The following CFL2 variants were observed in gnomAD, a reference collection of about 807,000 sequenced individuals.
CFL2 encodes cofilin-2.
Under a neutral mutation model 19.6 loss-of-function variants are expected in CFL2, and 10 were observed. That is an observed-to-expected ratio of 0.51 (90% CI 0.31 to 0.86). The LOEUF is 0.86. Among genes scored for constraint, CFL2 ranks in the 40% least tolerant of loss-of-function variants. The pLI, the probability that CFL2 is intolerant of heterozygous loss-of-function variation, is 0.04. For missense variants in CFL2, 125 were observed against 192.1 expected, an observed-to-expected ratio of 0.65 and a Z score of 2.06; for synonymous variants, 63 against 66.7, an observed-to-expected ratio of 0.95 and a Z score of 0.27.
At position 34,711,001 on chromosome 14, in the gene CFL2, A is replaced by G. The variant is rs1431792624; in HGVS notation, c.*1864T>C. On this transcript the variant is annotated 3_prime_UTR_variant, in exon 4 of 4. Coordinates refer to ENST00000298159, the MANE Select transcript of CFL2 (RefSeq NM_138638.5). The stretch of plus-strand genomic sequence containing the variant: ...CATCGAAATGTCCAGGATAACTCAC[A>G]GGGACAGCTGGAAGCCTGAAATAAA... The G allele has an allele frequency of 2.2e-6, 1 of 454,140 alleles. No individual in the cohort carries two copies. The highest frequency in any genetic ancestry group is 4.4e-6 in the Non-Finnish European group (1 of 226,796). The allele number at this position is 454,140 out of a possible 1,614,324, so 28.1% of individuals were successfully genotyped here. A position where few individuals can be genotyped will look rare whatever the true frequency, so the allele number is the denominator to read the frequency against.
At chr14:34,713,769 A>C in intron 1 of CFL2, 1 of 1,611,576 alleles carries the variant, frequency 6.2e-7, no homozygotes, top group Non-Finnish European at 8.5e-7. Context: ...TCCTTCTTAA[A>C]GGGGTTTGGA....
In CFL2 at chr14:34,709,787, CA is replaced by C. The variant is rs71453649; in HGVS notation, c.*3077del. 76 of 69,514 alleles carry C rather than the reference CA, an allele frequency of 1.1e-3. No individual in the cohort carries two copies. The highest frequency in any genetic ancestry group is 3.9e-3 in the East Asian group (10 of 2,586). 4.3% of individuals were successfully genotyped at this position (69,514 alleles called of 1,614,324 possible). ...TGGGCAACAGAGTGAGACCCTGTCT[CA>C]AAAAAAAAAAAAAAAAAAGGCAACA... On this transcript the variant is annotated 3_prime_UTR_variant, in exon 4 of 4. Coordinates refer to ENST00000298159, the MANE Select transcript of CFL2 (RefSeq NM_138638.5).
At chr14:34,713,784 G>A in intron 1 of CFL2, 5 of 1,607,944 alleles carry the variant, frequency 3.1e-6, no homozygotes, top group Non-Finnish European at 2.5e-6. Context: ...TTTGGACGTG[G>A]AAGCGAAAGG....
In CFL2 at chr14:34,711,930, G is replaced by A. The variant is rs1218514768; in HGVS notation, c.*935C>T. 2.2e-6 allele frequency: 1 copy of A among 454,386 alleles called. No individual in the cohort carries two copies. The highest frequency in any genetic ancestry group is 2.3e-5 in the Admixed American group (1 of 42,558). 28.1% of individuals were successfully genotyped at this position (454,386 alleles called of 1,614,324 possible). A position where few individuals can be genotyped will look rare whatever the true frequency, so the allele number is the denominator to read the frequency against. The stretch of plus-strand genomic sequence containing the variant: ...AAAATTCTCAAATGACCAGTGCAGA[G>A]ATTAGTAATAGCTGTTTTTACCCTA... On this transcript the variant is annotated 3_prime_UTR_variant, in exon 4 of 4. Coordinates refer to ENST00000298159, the MANE Select transcript of CFL2 (RefSeq NM_138638.5).
Position 34,713,472 on chromosome 14 carries a change from C to G in CFL2, c.93G>C (p.Lys31Asn), listed in dbSNP as rs757341071. The G allele has an allele frequency of 2.9e-5, 46 of 1,613,892 alleles. No individual in the cohort carries two copies. The highest frequency in any genetic ancestry group is 3.5e-5 in the Non-Finnish European group (41 of 1,179,938). ...RKSSTQEEIK[K>N]RKKAVLFCLS... ...AACAGAAGAGAACTGCTTTCTTTCT[C>G]TTTTTGATCTCCTCTTGTGTAGAAG... The change falls in exon 2 of 4, where the codon AAG becomes AAC. Residue 31 changes from lysine to asparagine, a missense_variant. Transcript: ENST00000298159.
At position 34,714,558 on chromosome 14, in the gene CFL2, C is replaced by G; in HGVS notation, c.-18G>C. ...CTTACCATAGTGCCCTCGGCTGTGGCTGCGGCGGCAGCTCGGGCTTCGGCT... is the reference window on the plus strand; with the variant it reads ...CTTACCATAGTGCCCTCGGCTGTGGGTGCGGCGGCAGCTCGGGCTTCGGCT... On this transcript the variant is annotated 5_prime_UTR_variant, in exon 1 of 4. Coordinates refer to ENST00000298159, the MANE Select transcript of CFL2 (RefSeq NM_138638.5). 6.3e-7 allele frequency: 1 copy of G among 1,582,740 alleles called. No homozygotes were observed. Among genetic ancestry groups the G allele is most frequent in the Non-Finnish European group, 8.6e-7 (1 of 1,167,830 alleles).
intron 1 of CFL2, 75 bp from the exon 2 acceptor site, chr14:34,713,636 G>C: frequency 1.2e-6 from 2 of 1,613,888 alleles, no homozygotes; most frequent in Non-Finnish European, 8.5e-7. Flanking sequence ...GCCTAGAGAA[G>C]ACTCACTTTA....
Position 34,709,152 on chromosome 14 carries a change from C to A in CFL2, c.*3713G>T, listed in dbSNP as rs966035175. ...AAAACATTTAATATTTATCTACTTA[C>A]ATACAGTAATTAAGAATGAATAGTT... On this transcript the variant is annotated 3_prime_UTR_variant, in exon 4 of 4. Coordinates refer to ENST00000298159, the MANE Select transcript of CFL2 (RefSeq NM_138638.5). 2.0e-5 allele frequency: 3 copies of A among 152,124 alleles called. No individual in the cohort carries two copies. Among genetic ancestry groups the A allele is most frequent in the Non-Finnish European group, 4.4e-5 (3 of 68,004 alleles). 9.4% of individuals were successfully genotyped at this position (152,124 alleles called of 1,614,324 possible). A position where few individuals can be genotyped will look rare whatever the true frequency, so the allele number is the denominator to read the frequency against.
In CFL2 at chr14:34,711,886, A is replaced by G; in HGVS notation, c.*979T>C. 2.2e-6 allele frequency: 1 copy of G among 454,434 alleles called. No homozygotes were observed. The highest frequency in any genetic ancestry group is 6.9e-4 in the Middle Eastern group (1 of 1,444). The allele number at this position is 454,434 out of a possible 1,614,324, so 28.2% of individuals were successfully genotyped here. On this transcript the variant is annotated 3_prime_UTR_variant, in exon 4 of 4. Coordinates refer to ENST00000298159, the MANE Select transcript of CFL2 (RefSeq NM_138638.5). ...ATCCAACAAATCTGGAAAATATCACACATGAATGCTGTACAAAAAAAATTC... is the reference window on the plus strand; with the variant it reads ...ATCCAACAAATCTGGAAAATATCACGCATGAATGCTGTACAAAAAAAATTC...
intron 1 of CFL2, 35 bp from the exon 2 acceptor site, chr14:34,713,596 G>A: frequency 6.2e-7 from 1 of 1,613,188 alleles, no homozygotes; most frequent in South Asian, 1.1e-5. Flanking sequence ...TTCAGAACAC[G>A]TATTTTGGTT....
In CFL2 at chr14:34,713,385, A is replaced by T. The variant is rs922033257; in HGVS notation, c.180T>A (p.Ile60=). The change falls in exon 2 of 4, where the codon ATT becomes ATA. Residue 60 remains isoleucine (I), a synonymous_variant. Transcript: ENST00000298159. The part of the protein sequence containing the change: ...EEAKQILVGD[I]GDTVEDPYTS... ...TGTAGGGGTCCTCTACAGTATCACC[A>T]ATGTCACCCACCAAGATCTGCTTTG... 1 of 1,614,086 alleles carries T rather than the reference A, an allele frequency of 6.2e-7. No individual in the cohort carries two copies. The highest frequency in any genetic ancestry group is 2.2e-5 in the East Asian group (1 of 44,874).
Position 34,711,474 on chromosome 14 carries a change from A to G in CFL2, c.*1391T>C. The G allele has an allele frequency of 6.8e-6, 3 of 443,898 alleles. No individual in the cohort carries two copies. Among genetic ancestry groups the G allele is most frequent in the Non-Finnish European group, 1.4e-5 (3 of 221,880 alleles). The allele number at this position is 443,898 out of a possible 1,614,324, so 27.5% of individuals were successfully genotyped here. A position where few individuals can be genotyped will look rare whatever the true frequency, so the allele number is the denominator to read the frequency against. ...ACTACTAATGTTTAAGACTGCTATT[A>G]TCAATTCCTATTCCAATTCAATTTG... is the stretch of plus-strand genomic sequence containing the variant. On this transcript the variant is annotated 3_prime_UTR_variant, in exon 4 of 4. Transcript: ENST00000298159.
chr14:34,713,698 G>A, intron 1 of CFL2, 137 bp from the exon 2 acceptor site: 5 of 1,612,738 alleles, frequency 3.1e-6, no homozygotes, highest in South Asian at 1.1e-5. Flanking sequence ...AATCAGATTT[G>A]TCACATTTTA....
At chr14:34,713,817 C>A in intron 1 of CFL2, 1 of 1,576,854 alleles carries the variant, frequency 6.3e-7, no homozygotes, top group Non-Finnish European at 8.6e-7. Flanking sequence ...TTGTCCCATC[C>A]CTGAAATGTT....
Position 34,713,102 on chromosome 14 carries a change from T to C in CFL2, c.346A>G (p.Ile116Val). Residue 116 changes from isoleucine (I) to valine (V), a missense_variant, in exon 3 of 4, where the codon ATT (isoleucine) becomes GTT (valine). By Grantham distance (29) the Ile-to-Val change is conservative. Transcript: ENST00000298159. Reference protein sequence around the residue: ...PESAPLKSKMIYASSKDAIKK... With the variant: ...PESAPLKSKMVYASSKDAIKK... ...ATGGCATCTTTAGAGCTAGCATAAA[T>C]CATCTTGCTTTTTAAAGGTGCACTT... The C allele has an allele frequency of 6.3e-7, 1 of 1,582,942 alleles. No homozygotes were observed. The highest frequency in any genetic ancestry group is 1.7e-4 in the Middle Eastern group (1 of 5,890).
At position 34,711,942 on chromosome 14, in the gene CFL2, C is replaced by T; in HGVS notation, c.*923G>A. On this transcript the variant is annotated 3_prime_UTR_variant, in exon 4 of 4. Transcript: ENST00000298159. ...TGACCAGTGCAGAGATTAGTAATAG[C>T]TGTTTTTACCCTAGAAGTTGTTTCA... is the stretch of plus-strand genomic sequence containing the variant. The T allele has an allele frequency of 4.4e-6, 2 of 454,258 alleles. No homozygotes were observed. The highest frequency in any genetic ancestry group is 3.1e-5 in the South Asian group (2 of 64,442). 28.1% of individuals were successfully genotyped at this position (454,258 alleles called of 1,614,324 possible).
In CFL2 at chr14:34,712,510, A is replaced by G. The variant is rs939609525; in HGVS notation, c.*355T>C. ...AAAAAGTTGACCATCTGACCAGTGG[A>G]TAATACTTTCAAGGCATTCAATTAG... On this transcript the variant is annotated 3_prime_UTR_variant, in exon 4 of 4. Transcript: ENST00000298159. 6.4e-6 allele frequency: 3 copies of G among 467,022 alleles called. No homozygotes were observed. Among genetic ancestry groups the G allele is most frequent in the African/African-American group, 2.0e-5 (1 of 50,632 alleles). The allele number at this position is 467,022 out of a possible 1,614,324, so 28.9% of individuals were successfully genotyped here. A position where few individuals can be genotyped will look rare whatever the true frequency, so the allele number is the denominator to read the frequency against.
In CFL2 at chr14:34,711,437, T is replaced by C. The variant is rs762565332; in HGVS notation, c.*1428A>G. The C allele has an allele frequency of 2.4e-5, 11 of 453,112 alleles. No individual in the cohort carries two copies. Among genetic ancestry groups the C allele is most frequent in the Admixed American group, 9.5e-5 (4 of 42,318 alleles). 28.1% of individuals were successfully genotyped at this position (453,112 alleles called of 1,614,324 possible). ...TCTATAAGGAGCACAGTCTGGACCA[T>C]AGCCAAATCCCACTACTAATGTTTA... On this transcript the variant is annotated 3_prime_UTR_variant, in exon 4 of 4. Coordinates refer to ENST00000298159, the MANE Select transcript of CFL2 (RefSeq NM_138638.5).
chr14:34,710,554 T>G lies in CFL2; in HGVS notation c.*2311A>C, dbSNP rs367963046. 9.2e-6 allele frequency: 4 copies of G among 433,216 alleles called. 1 individual carries two copies. Among genetic ancestry groups the G allele is most frequent in the Admixed American group, 5.3e-5 (2 of 38,012 alleles). The allele number at this position is 433,216 out of a possible 1,614,324, so 26.8% of individuals were successfully genotyped here. On this transcript the variant is annotated 3_prime_UTR_variant, in exon 4 of 4. Coordinates refer to ENST00000298159, the MANE Select transcript of CFL2 (RefSeq NM_138638.5). ...GCACCGTATACCTTTTAAAGCTAAC[T>G]GGAACATTGATTCATTATAAATGAT...
Sources: gnomAD v4.1 joint callset for allele counts on GRCh38, gnomAD v4.1.1 for gene constraint, MANE v1.5 for transcripts, NCBI Gene and HGNC (gene_info 2026-07-23, HGNC 2026-07-21) for gene names.